The following FMNL2 variants were observed in gnomAD, a reference collection of about 807,000 sequenced individuals.
The protein encoded by FMNL2 is formin-like protein 2.
In FMNL2, 51 loss-of-function variants were observed where a neutral mutation model predicts 130.2. The ratio of observed to expected loss-of-function variants is 0.39; its 90% CI spans 0.31 to 0.49. The LOEUF (loss-of-function observed/expected upper bound fraction) is 0.49. Among genes scored for constraint, FMNL2 ranks in the 20% least tolerant of loss-of-function variants. The pLI is 0.85. For missense variants in FMNL2, 977 were observed against 1,316.2 expected (o/e 0.74, Z 3.99); for synonymous variants, 465 against 467.1 (o/e 1.00, Z 0.06).
At chr2:152,358,878 A>T (rs182783225) in intron 1 of FMNL2, among the ~76,000 whole-genome samples, 73 of 152,336 alleles carry the variant, frequency 4.8e-4, no homozygotes, top group Admixed American at 8.5e-4. Flanking sequence ...ACTTAGAAGT[A>T]CAATTGTTGG....
At chr2:152,607,500 CACACACAT>C (rs1195242664) in intron 10 of FMNL2, 87 bp downstream of exon 10, 4 of 882,722 alleles carry the variant, frequency 4.5e-6, no homozygotes, top group East Asian at 2.7e-5. Flanking sequence ...CACACACACA[CACACACAT>C]ATTTATATTA....
At chr2:152,384,323 C>T (rs1188610140) in intron 1 of FMNL2, among the ~76,000 whole-genome samples, 6 of 152,182 alleles carry the variant, frequency 3.9e-5, no homozygotes, top group African/African-American at 1.4e-4. Flanking sequence ...TTTCTCATGA[C>T]TTGTCCTCAC....
At chr2:152,632,300 C>A (rs1026519255) in intron 21 of FMNL2, among the ~76,000 whole-genome samples, 163 bp downstream of exon 21, 1 of 151,958 alleles carries the variant, frequency 6.6e-6, no homozygotes, top group Admixed American at 6.6e-5. Context: ...TTGTCCACCC[C>A]TGAGAGCAGA....
chr2:152,647,371 G>C (rs190944630), intron 25 of FMNL2, among the ~76,000 whole-genome samples: 1 of 152,142 alleles, frequency 6.6e-6, no homozygotes. Flanking sequence ...AAAACTGCGA[G>C]GAAAAGATGG....
intron 7 of FMNL2, among the ~76,000 whole-genome samples, chr2:152,578,190 A>G (rs1696580577): frequency 6.6e-6 from 1 of 152,136 alleles, no homozygotes; most frequent in African/African-American, 2.4e-5. Context: ...GAACTTCTGG[A>G]TGTTTTCTCT....
intron 2 of FMNL2, among the ~76,000 whole-genome samples, chr2:152,535,901 A>G (rs939788848): frequency 6.6e-6 from 1 of 152,234 alleles, no homozygotes; most frequent in African/African-American, 2.4e-5. Context: ...TCATACGCAT[A>G]CTTTCTGTAG....
intron 6 of FMNL2, among the ~76,000 whole-genome samples, chr2:152,569,094 TC>T (rs945578653): frequency 7.5e-4 from 96 of 128,282 alleles, no homozygotes; most frequent in East Asian, 2.5e-3. Flanking sequence ...TTTTGTAGCT[TC>T]CCCCCCCGCC....
chr2:152,354,582 T>C (rs901889245), intron 1 of FMNL2, among the ~76,000 whole-genome samples: 1 of 152,158 alleles, frequency 6.6e-6, no homozygotes, highest in Non-Finnish European at 1.5e-5. Context: ...AGAGCTAAGC[T>C]TATGAAACAA....
chr2:152,344,111 C>T (rs2105743592), intron 1 of FMNL2, among the ~76,000 whole-genome samples: 1 of 152,206 alleles, frequency 6.6e-6, no homozygotes, highest in Middle Eastern at 3.4e-3. Context: ...ATGATCATGC[C>T]ACTGCACTCT....
Position 152,570,559 on chromosome 2 carries a change from A to G in FMNL2, c.597-4577A>G, listed in dbSNP as rs576125890. On this transcript the variant is annotated intron_variant, in intron 6 of 25. Coordinates refer to ENST00000288670, the MANE Select transcript of FMNL2 (RefSeq NM_052905.4). The stretch of plus-strand genomic sequence containing the variant: ...CTCTTCTTGCCAGCCTGGGAGAAGA[A>G]AGGCTATCAGCATGGCATTTAGATA... Among the ~76,000 whole-genome samples, 49 of 152,348 alleles carry G rather than the reference A, an allele frequency of 3.2e-4. No individual in the cohort carries two copies. The South Asian group carries it at 0.01, about 32-fold the overall frequency.
Position 152,626,700 on chromosome 2 carries a change from C to T in FMNL2, c.2138C>T (p.Ala713Val), listed in dbSNP as rs1273223458. The T allele has an allele frequency of 6.2e-7, 1 of 1,611,704 alleles. No individual in the cohort carries two copies. The highest frequency in any genetic ancestry group is 1.1e-5 in the South Asian group (1 of 90,424). ...AITLRKAGKTADEICKAIHVF... is the reference protein window; with the variant it reads ...AITLRKAGKTVDEICKAIHVF... ...ACTTTAAGGAAAGCTGGAAAGACTG[C>T]TGATGAAATATGTAAAGCTATTCAT... The change falls in exon 17 of 26, where the codon GCT becomes GTT. Residue 713 changes from alanine to valine, a missense_variant. By Grantham distance (64) the Ala-to-Val change is moderately conservative. Coordinates refer to ENST00000288670, the MANE Select transcript of FMNL2 (RefSeq NM_052905.4).
At position 152,403,756 on chromosome 2, in the gene FMNL2, T is replaced by G. The variant is rs1348699399; in HGVS notation, c.117+68036T>G. Reference sequence around the variant, plus strand: ...GACCCTGTTGTCTCTAAAATGATCTTTAGCTAACAGAATTATAAGAAATAA... The same window carrying G: ...GACCCTGTTGTCTCTAAAATGATCTGTAGCTAACAGAATTATAAGAAATAA... On this transcript the variant is annotated intron_variant, in intron 1 of 25. Transcript: ENST00000288670. 2.0e-5 allele frequency among the ~76,000 whole-genome samples: 3 copies of G among 152,170 alleles called. No homozygotes were observed. In the East Asian group the frequency reaches 5.8e-4, roughly 29 times the overall value.
At chr2:152,621,107 T>C in intron 15 of FMNL2, 1 of 985,392 alleles carries the variant, frequency 1.0e-6, no homozygotes, top group Non-Finnish European at 1.2e-6. Context: ...TAACTGGGTG[T>C]GGAAACCCAT....
chr2:152,452,766 C>T (rs1266289444), intron 1 of FMNL2, among the ~76,000 whole-genome samples: 1 of 143,122 alleles, frequency 7.0e-6, no homozygotes, highest in Non-Finnish European at 1.6e-5. Context: ...GTCGAGGGCC[C>T]GATGGGGAGG....
At chr2:152,486,888 C>A (rs1008653627) in intron 1 of FMNL2, among the ~76,000 whole-genome samples, 1 of 152,094 alleles carries the variant, frequency 6.6e-6, no homozygotes, top group Non-Finnish European at 1.5e-5. Context: ...TAGGAATATT[C>A]TAGCAAAATA....
chr2:152,578,858 T>C (rs769457619), intron 7 of FMNL2, 30 bp from the exon 8 acceptor site: 2 of 1,583,234 alleles, frequency 1.3e-6, no homozygotes, highest in South Asian at 2.3e-5. Flanking sequence ...CAATGCTTTG[T>C]GTTTCTTTTT....
At chr2:152,541,973 G>A (rs769097758) in intron 2 of FMNL2, among the ~76,000 whole-genome samples, 13 of 152,070 alleles carry the variant, frequency 8.5e-5, no homozygotes, top group African/African-American at 3.1e-4. Context: ...CCTGATACAC[G>A]TGGCATGAAT....
At chr2:152,393,825 T>G (rs974938174) in intron 1 of FMNL2, among the ~76,000 whole-genome samples, 4 of 152,196 alleles carry the variant, frequency 2.6e-5, no homozygotes, top group African/African-American at 9.7e-5. Flanking sequence ...ACAGCTTCTG[T>G]AGGGTGAAAG....
chr2:152,419,354 T>G (rs1305738570), intron 1 of FMNL2, among the ~76,000 whole-genome samples: 2 of 152,210 alleles, frequency 1.3e-5, no homozygotes, highest in African/African-American at 2.4e-5. Flanking sequence ...TTATTGTATT[T>G]ACCATGCTGT....
Sources: gnomAD v4.1 joint callset for allele counts (sites outside exome capture counted in the v4.1 genomes callset) on GRCh38, gnomAD v4.1.1 for gene constraint, MANE v1.5 for transcripts, NCBI Gene and HGNC (gene_info 2026-07-23, HGNC 2026-07-21) for gene names.